Variants in SLC30A7 observed in about 807,000 individuals in gnomAD.
SLC30A7 encodes the protein zinc transporter 7.
SLC30A7 carries 35 observed loss-of-function variants against 46.0 expected under a neutral mutation model. That is an observed-to-expected ratio of 0.76 (90% CI 0.58 to 1.01). The LOEUF is 1.01. Ranked by LOEUF, SLC30A7 falls within the 50% of genes least tolerant of loss-of-function variation. The probability of loss-of-function intolerance (pLI) is 0.00; values close to 1 mark genes in which losing one functional copy is unlikely to be tolerated. For synonymous variants in SLC30A7, 147 were observed against 157.8 expected, an observed-to-expected ratio of 0.93 and a Z score of 0.51; for missense variants, 464 against 451.1, an observed-to-expected ratio of 1.03 and a Z score of -0.26.
chr1:100,902,871 A>G (rs1651398919), intron 2 of SLC30A7, among the ~76,000 whole-genome samples: 1 of 152,194 alleles, frequency 6.6e-6, no homozygotes, highest in Non-Finnish European at 1.5e-5. Context: ...ACTAGAGGTT[A>G]GGACTTCAAC....
At chr1:100,983,983 C>T (rs564168183), downstream of SLC30A7, among the ~76,000 whole-genome samples, 8 of 152,298 alleles carry the variant, frequency 5.3e-5, no homozygotes, top group East Asian at 1.9e-4. Context: ...CTACTTTCCC[C>T]GTGAGCAATA....
At chr1:100,965,494 T>C (rs1176411010) in intron 9 of SLC30A7, among the ~76,000 whole-genome samples, 1 of 152,220 alleles carries the variant, frequency 6.6e-6, no homozygotes, top group Non-Finnish European at 1.5e-5. Context: ...CTTTATAAAG[T>C]GATTGTTACT....
At chr1:100,932,832 C>T (rs1413430304) in intron 8 of SLC30A7, among the ~76,000 whole-genome samples, 1 of 151,976 alleles carries the variant, frequency 6.6e-6, no homozygotes, top group Non-Finnish European at 1.5e-5. Flanking sequence ...AATCAAGGGC[C>T]CCCTCTTCTA....
At chr1:100,990,414 T>A in the SLC30A7 span, 2 of 1,613,092 alleles carry the variant, frequency 1.2e-6, no homozygotes, top group Non-Finnish European at 1.7e-6. Flanking sequence ...ATGTTCAAAG[T>A]CCATTGATGC....
intron 8 of SLC30A7, among the ~76,000 whole-genome samples, chr1:100,958,758 C>T (rs894324592): frequency 5.9e-5 from 9 of 152,162 alleles, no homozygotes; most frequent in Non-Finnish European, 1.5e-5. Flanking sequence ...TTGCCAAACA[C>T]CATCTGAGAT....
At chr1:100,907,086 G>A in intron 3 of SLC30A7, 121 bp downstream of exon 3, 1 of 639,750 alleles carries the variant, frequency 1.6e-6, no homozygotes, top group South Asian at 2.0e-5. Flanking sequence ...AATCTTTGAA[G>A]CCCCCACTCA....
chr1:100,974,593 G>A (rs956794273), intron 10 of SLC30A7, among the ~76,000 whole-genome samples: 14 of 151,980 alleles, frequency 9.2e-5, no homozygotes, highest in African/African-American at 3.4e-4. Context: ...TGGATAGGGT[G>A]TGTGACTGTT....
At chr1:100,973,342 T>C (rs1409311445) in intron 10 of SLC30A7, among the ~76,000 whole-genome samples, 1 of 152,178 alleles carries the variant, frequency 6.6e-6, no homozygotes, top group African/African-American at 2.4e-5. Context: ...TACCTTTTAT[T>C]CTGTGGTACT....
chr1:100,921,889 A>G, intron 8 of SLC30A7, 48 bp downstream of exon 8: 1 of 1,494,048 alleles, frequency 6.7e-7, no homozygotes. Flanking sequence ...CTGAGAGAGA[A>G]ATATGTTACT....
intron 8 of SLC30A7, among the ~76,000 whole-genome samples, chr1:100,937,967 TC>T (rs1570555862): frequency 6.6e-6 from 1 of 152,224 alleles, no homozygotes; most frequent in African/African-American, 2.4e-5. Context: ...AATCCAGTTT[TC>T]CCATCACCAG....
At chr1:100,924,014 A>C (rs1653122267) in intron 8 of SLC30A7, among the ~76,000 whole-genome samples, 1 of 151,926 alleles carries the variant, frequency 6.6e-6, no homozygotes, top group South Asian at 2.1e-4. Context: ...TTTTGTCTCC[A>C]CTCTTACTAT....
intron 2 of SLC30A7, among the ~76,000 whole-genome samples, chr1:100,900,361 C>T (rs530769963): frequency 1.3e-5 from 2 of 152,136 alleles, no homozygotes; most frequent in African/African-American, 2.4e-5. Flanking sequence ...TAAGACAATA[C>T]CAGACATTTA....
At chr1:100,995,995 G>A in the SLC30A7 span, 1 of 152,168 alleles carries the variant, frequency 6.6e-6, no homozygotes, top group Non-Finnish European at 1.5e-5. Flanking sequence ...TTATAGAAGT[G>A]TTTCTTATAA....
At chr1:100,934,658 A>G (rs1462147459) in intron 8 of SLC30A7, among the ~76,000 whole-genome samples, 1 of 150,396 alleles carries the variant, frequency 6.6e-6, no homozygotes, top group South Asian at 2.1e-4. Context: ...ATCTGTATCT[A>G]TATCAATACC....
the SLC30A7 span, among the ~76,000 whole-genome samples, chr1:100,994,540 CTTTT>C: frequency 2.1e-5 from 3 of 142,518 alleles, no homozygotes; most frequent in African/African-American, 5.1e-5. Context: ...AAACCCATGC[CTTTT>C]TTTTTTTTTT....
chr1:100,958,367 G>A (rs1015952276), intron 8 of SLC30A7, among the ~76,000 whole-genome samples: 1 of 152,040 alleles, frequency 6.6e-6, no homozygotes, highest in East Asian at 1.9e-4. Context: ...TAGTGGAGAC[G>A]GGATTTCACC....
At chr1:100,917,521 T>A (rs1570527246) in intron 6 of SLC30A7, among the ~76,000 whole-genome samples, 1 of 152,214 alleles carries the variant, frequency 6.6e-6, no homozygotes, top group South Asian at 2.1e-4. Flanking sequence ...ATATTTTCTG[T>A]TTTAATGTTA....
chr1:100,915,197 C>CTTTTA (rs368693206), intron 6 of SLC30A7, among the ~76,000 whole-genome samples: 1 of 61,872 alleles, frequency 1.6e-5, no homozygotes, highest in South Asian at 5.8e-4. Context: ...TCTTTCTTTT[C>CTTTTA]TTTCTTTCTT....
chr1:100,919,194 CCTGT>C (rs1307687372), intron 7 of SLC30A7, among the ~76,000 whole-genome samples: 2 of 152,034 alleles, frequency 1.3e-5, no homozygotes, highest in African/African-American at 2.4e-5. Context: ...CAGAGAAAAT[CCTGT>C]CTATGAATTA....
Sources: allele counts gnomAD v4.1 joint callset (sites outside exome capture counted in the v4.1 genomes callset), GRCh38; gene constraint gnomAD v4.1.1; transcripts MANE v1.5; gene names NCBI Gene and HGNC (gene_info 2026-07-23, HGNC 2026-07-21).